The following DEAF1 variants were observed in gnomAD, a reference collection of about 807,000 sequenced individuals.
DEAF1 encodes deformed epidermal autoregulatory factor 1 homolog.
In DEAF1, 53 loss-of-function variants were observed where a neutral mutation model predicts 58.9. The ratio of observed to expected loss-of-function variants is 0.90; its 90% confidence interval spans 0.72 to 1.13. The LOEUF (loss-of-function observed/expected upper bound fraction) is 1.13, where lower values mean the gene tolerates loss of function less well. DEAF1 is among the 50% of genes most tolerant of loss of function. The pLI, the probability that DEAF1 is intolerant of heterozygous loss-of-function variation, is 0.00. For synonymous variants in DEAF1, 385 were observed against 340.4 expected (o/e 1.13, Z -1.44); for missense variants, 685 against 791.4 (o/e 0.87, Z 1.61).
intron 1 of DEAF1, 189 bp downstream of exon 1, chr11:694,561 AGGGCGGGTG>A (rs1200882602): frequency 1.1e-4 from 24 of 222,546 alleles, no homozygotes; most frequent in South Asian, 7.2e-4. Flanking sequence ...GCAGGTGTGC[AGGGCGGGTG>A]GGGCGGGCGG....
At chr11:652,765 A>C (rs1858837268) in intron 11 of DEAF1, among the ~76,000 whole-genome samples, 1 of 152,050 alleles carries the variant, frequency 6.6e-6, no homozygotes, top group Non-Finnish European at 1.5e-5. Flanking sequence ...TCTCATAAAT[A>C]TGAGAAAAAA....
At chr11:687,307 A>C (rs566693666) in intron 4 of DEAF1, among the ~76,000 whole-genome samples, 4 of 152,298 alleles carry the variant, frequency 2.6e-5, no homozygotes, top group African/African-American at 9.6e-5. Flanking sequence ...CTAACCTGGC[A>C]ACTTGAGGAA....
At chr11:673,506 C>T (rs1460164010) in intron 10 of DEAF1, among the ~76,000 whole-genome samples, 1 of 151,778 alleles carries the variant, frequency 6.6e-6, no homozygotes, top group African/African-American at 2.4e-5. Context: ...CTAGCCTGGG[C>T]GACAGAGTGA....
At position 674,689 on chromosome 11, in the gene DEAF1, C is replaced by T. The variant is rs764182783; in HGVS notation, c.1350G>A (p.Pro450=). The part of the protein sequence containing the change: ...ALVNGLELSE[P]RSWLYLEEMV... ...TCTCTTCTAGGTACAGCCAGCTCCG[C>T]GGCTCTGACAGCTCCAGCCCATTGA... is the stretch of plus-strand genomic sequence containing the variant. Residue 450 remains proline, a synonymous_variant, in exon 10 of 12, where the codon CCG becomes CCA. Transcript: ENST00000382409. The T allele has an allele frequency of 1.6e-5, 26 of 1,613,868 alleles. No individual in the cohort carries two copies. In the East Asian group the frequency reaches 2.4e-4, roughly 15 times the overall value.
exon 1 of DEAF1, among the ~76,000 whole-genome samples, chr11:707,052 C>G (rs1196692892): frequency 2.0e-5 from 3 of 152,072 alleles, no homozygotes; most frequent in Admixed American, 6.5e-5. Context: ...TGCCCCCACC[C>G]ACCCCGTGCT....
intron 11 of DEAF1, among the ~76,000 whole-genome samples, chr11:648,827 G>A (rs1272353850): frequency 3.9e-5 from 6 of 152,130 alleles, no homozygotes; most frequent in Non-Finnish European, 5.9e-5. Context: ...AATTGAAGTG[G>A]TACACTAGAA....
At chr11:663,309 G>C (rs1294616933) in intron 10 of DEAF1, among the ~76,000 whole-genome samples, 2 of 152,204 alleles carry the variant, frequency 1.3e-5, no homozygotes, top group African/African-American at 4.8e-5. Flanking sequence ...TTAGCCAGAC[G>C]TGGTGGCGCG....
intron 1 of DEAF1, among the ~76,000 whole-genome samples, chr11:693,281 G>A (rs930541893): frequency 1.3e-5 from 2 of 152,100 alleles, no homozygotes; most frequent in Non-Finnish European, 2.9e-5. Flanking sequence ...AAATCCCAAC[G>A]TCAAACCAGA....
At chr11:653,119 A>G (rs1459609145) in intron 11 of DEAF1, among the ~76,000 whole-genome samples, 1 of 151,634 alleles carries the variant, frequency 6.6e-6, no homozygotes, top group Non-Finnish European at 1.5e-5. Context: ...AAGAGTGACT[A>G]AATGCTCCCG....
Position 644,950 on chromosome 11 carries a change from G to A in DEAF1, c.1594-296C>T, listed in dbSNP as rs1277449462. On this transcript the variant is annotated intron_variant, in intron 11 of 11. Transcript: ENST00000382409. This position sits in a 1 kb window ranked among gnomAD's most constrained non-coding sequence, Gnocchi z 4.3. ...GGCCCAGGAGGGTGGATCCCCTGAG[G>A]TCAGGAGTTCGAGACCAGCCTGGCC... Among the ~76,000 whole-genome samples, 1 of 152,120 alleles carries A rather than the reference G, an allele frequency of 6.6e-6. No homozygotes were observed. Among genetic ancestry groups the A allele is most frequent in the African/African-American group, 2.4e-5 (1 of 41,426 alleles).
chr11:703,728 A>G, intron 1 of DEAF1: 1 of 1,232,596 alleles, frequency 8.1e-7, no homozygotes, highest in Non-Finnish European at 1.0e-6. Flanking sequence ...GGGTTCCTAA[A>G]GCAATAAATG....
intron 10 of DEAF1, among the ~76,000 whole-genome samples, chr11:658,732 C>T (rs1174376502): frequency 1.3e-5 from 2 of 152,236 alleles, no homozygotes; most frequent in South Asian, 2.1e-4. Flanking sequence ...CGGGGAGTCC[C>T]GCCCAAGCAG....
chr11:684,420 A>G (rs1860499072), intron 6 of DEAF1, among the ~76,000 whole-genome samples: 1 of 136,642 alleles, frequency 7.3e-6, no homozygotes, highest in Non-Finnish European at 1.5e-5. Flanking sequence ...TTCGTCTCAG[A>G]AAAAAAAAAA....
intron 10 of DEAF1, among the ~76,000 whole-genome samples, chr11:657,713 A>T (rs11246245): frequency 6.6e-6 from 1 of 152,112 alleles, no homozygotes; most frequent in Non-Finnish European, 1.5e-5. Flanking sequence ...GACAGGCGGC[A>T]GCACCCCTCC....
At chr11:677,779 C>G (rs1357895143) in intron 9 of DEAF1, among the ~76,000 whole-genome samples, 2 of 139,194 alleles carry the variant, frequency 1.4e-5, no homozygotes, top group African/African-American at 5.1e-5. Context: ...ATGGTGAAAC[C>G]CCATCTCTAC....
At chr11:672,873 A>G (rs561746040) in intron 10 of DEAF1, among the ~76,000 whole-genome samples, 62 of 151,720 alleles carry the variant, frequency 4.1e-4, no homozygotes, top group African/African-American at 1.4e-3. Flanking sequence ...TTTTAAATAG[A>G]TAAATAAATA....
At chr11:655,353 T>C (rs1858989329) in intron 10 of DEAF1, among the ~76,000 whole-genome samples, 1 of 152,202 alleles carries the variant, frequency 6.6e-6, no homozygotes, top group South Asian at 2.1e-4. Context: ...ATTACATTAT[T>C]GGAGCTTTTC....
intron 11 of DEAF1, among the ~76,000 whole-genome samples, chr11:652,709 C>T (rs1858834321): frequency 6.6e-6 from 1 of 152,158 alleles, no homozygotes. Context: ...TGCTCTGACA[C>T]CAACATGAAA....
intron 10 of DEAF1, among the ~76,000 whole-genome samples, chr11:670,419 T>TAA (rs1302923025): frequency 1.8e-5 from 2 of 110,066 alleles, no homozygotes; most frequent in Non-Finnish European, 3.8e-5. Context: ...TTTTTTTTTT[T>TAA]AAAGTATTTT....
Sources: allele counts gnomAD v4.1 joint callset (sites outside exome capture counted in the v4.1 genomes callset), GRCh38; gene constraint gnomAD v4.1.1; non-coding constraint Gnocchi (gnomAD v3.1); transcripts MANE v1.5; gene names NCBI Gene and HGNC (gene_info 2026-07-23, HGNC 2026-07-21).